Variants in CWC22 observed in about 807,000 individuals in gnomAD.
CWC22 encodes CWC22 spliceosome associated protein, also known as pre-mRNA-splicing factor CWC22 homolog.
A neutral mutation model predicts 117.2 loss-of-function variants in CWC22; 53 were observed. The observed-to-expected ratio is 0.45, with a 90% CI of 0.36 to 0.57. CWC22 has a LOEUF of 0.57. Ranked by LOEUF, CWC22 falls within the 20% of genes least tolerant of loss-of-function variation. The pLI, the probability that CWC22 is intolerant of heterozygous loss-of-function variation, is 0.00. For synonymous variants in CWC22, 360 were observed against 355.6 expected, an observed-to-expected ratio of 1.01 and a Z score of -0.14; for missense variants, 980 against 1,068.8, an observed-to-expected ratio of 0.92 and a Z score of 1.16.
chr2:179,946,059 T>G (rs547763240), intron 19 of CWC22, among the ~76,000 whole-genome samples: 4 of 152,108 alleles, frequency 2.6e-5, no homozygotes, highest in African/African-American at 9.7e-5. Flanking sequence ...ATTTTCGTAT[T>G]TTTAGTAGAG....
intron 13 of CWC22, among the ~76,000 whole-genome samples, chr2:179,961,671 A>G (rs1258843693): frequency 6.6e-6 from 1 of 152,018 alleles, no homozygotes; most frequent in East Asian, 1.9e-4. Context: ...AAGAAATGTT[A>G]CTACTTTTCT....
intron 14 of CWC22, among the ~76,000 whole-genome samples, chr2:179,955,632 T>A (rs1382517734): frequency 6.6e-6 from 1 of 151,980 alleles, no homozygotes; most frequent in African/African-American, 2.4e-5. Flanking sequence ...TCTATATGGA[T>A]CTATACAAAT....
At chr2:179,978,157 A>C in intron 6 of CWC22, 33 bp downstream of exon 6, 1 of 1,460,036 alleles carries the variant, frequency 6.8e-7, no homozygotes, top group Non-Finnish European at 9.0e-7. Context: ...AAAAATACTT[A>C]GAAATACTAC....
intron 1 of CWC22, among the ~76,000 whole-genome samples, chr2:180,004,744 C>G (rs1430219171): frequency 2.7e-5 from 4 of 147,580 alleles, no homozygotes; most frequent in Non-Finnish European, 4.5e-5. Flanking sequence ...GCTGGGAAAG[C>G]TAACAGAGCT....
intron 14 of CWC22, among the ~76,000 whole-genome samples, chr2:179,957,873 A>T (rs1437167489): frequency 6.6e-6 from 1 of 151,968 alleles, no homozygotes; most frequent in Non-Finnish European, 1.5e-5. Flanking sequence ...GAGCAACTTT[A>T]TCTACTTAAT....
intron 4 of CWC22, among the ~76,000 whole-genome samples, chr2:179,986,165 T>G (rs890192653): frequency 1.4e-4 from 21 of 152,224 alleles, no homozygotes; most frequent in African/African-American, 4.8e-4. Flanking sequence ...CAAGTCTTGT[T>G]AGCCACAGGA....
intron 4 of CWC22, among the ~76,000 whole-genome samples, chr2:179,985,416 T>C (rs1687393361): frequency 6.6e-6 from 1 of 152,062 alleles, no homozygotes; most frequent in Non-Finnish European, 1.5e-5. Flanking sequence ...GCCCCACTAT[T>C]TTCTTTGAGA....
intron 6 of CWC22, among the ~76,000 whole-genome samples, chr2:179,977,209 A>G (rs1367582792): frequency 6.6e-6 from 1 of 152,190 alleles, no homozygotes; most frequent in East Asian, 1.9e-4. Context: ...CATTTGATCC[A>G]GCAATCCCAC....
At chr2:179,951,674 C>T (rs956677601) in intron 17 of CWC22, among the ~76,000 whole-genome samples, 9 of 151,974 alleles carry the variant, frequency 5.9e-5, no homozygotes, top group African/African-American at 2.2e-4. Flanking sequence ...GGCTGGAGTG[C>T]AGCTTGCTGA....
chr2:179,967,147 G>C (rs1193004218), intron 11 of CWC22, among the ~76,000 whole-genome samples: 1 of 152,188 alleles, frequency 6.6e-6, no homozygotes, highest in Non-Finnish European at 1.5e-5. Context: ...ACGCTGTTAA[G>C]AGCTAAAACA....
At chr2:179,961,168 C>G (rs1686738834) in intron 13 of CWC22, among the ~76,000 whole-genome samples, 1 of 151,970 alleles carries the variant, frequency 6.6e-6, no homozygotes, top group Admixed American at 6.6e-5. Flanking sequence ...TTCATATGCA[C>G]AGAATTTAAA....
intron 5 of CWC22, 75 bp downstream of exon 5, chr2:179,981,677 G>C: frequency 1.6e-6 from 2 of 1,251,402 alleles, no homozygotes; most frequent in East Asian, 2.4e-5. Context: ...CAAGAACCAG[G>C]GTTAATTAAA....
Position 179,945,224 on chromosome 2 carries a change from G to T in CWC22, c.2632C>A (p.Arg878=), listed in dbSNP as rs538817087. The T allele has an allele frequency of 2.5e-6, 4 of 1,613,562 alleles. No individual in the cohort carries two copies. In the East Asian group the frequency reaches 8.9e-5, roughly 36 times the overall value. The change falls in exon 20 of 20, where the codon CGA becomes AGA. Residue 878 remains arginine, a synonymous_variant. Transcript: ENST00000410053. ...GAGTATCTGCTAGATTTTTCCCATC[G>T]TCTCTCGGCACCATTTTGATATCTA... The part of the protein sequence containing the change: ...EDRYQNGAER[R]WEKSSRYSEQ...
rs1023657472 is a variant in CWC22, at chr2:179,980,527, T to C, written c.452+1225A>G. Among the ~76,000 whole-genome samples, 276 of 151,546 alleles carry C rather than the reference T, an allele frequency of 1.8e-3. 1 individual carries two copies. Among genetic ancestry groups the C allele is most frequent in the African/African-American group, 6.1e-3 (252 of 41,342 alleles). ...CCGCCTCCTGGGTTCATGCCATTCT[T>C]CTGCCTCAGCCTCCCGAGTAGCTGG... is the stretch of plus-strand genomic sequence containing the variant. On this transcript the variant is annotated intron_variant, in intron 5 of 19. Coordinates refer to ENST00000410053, the MANE Select transcript of CWC22 (RefSeq NM_020943.3).
chr2:179,979,491 A>AT (rs954858548), intron 5 of CWC22, among the ~76,000 whole-genome samples: 6 of 152,176 alleles, frequency 3.9e-5, no homozygotes, highest in Admixed American at 6.5e-5. Flanking sequence ...GATTGCTTGA[A>AT]TTCTATTCAT....
Position 179,965,997 on chromosome 2 carries a change from G to GT in CWC22, c.1211-16dup, listed in dbSNP as rs1380317062. 2.5e-6 allele frequency: 4 copies of GT among 1,593,880 alleles called. No individual in the cohort carries two copies. Among genetic ancestry groups the GT allele is most frequent in the Non-Finnish European group, 3.4e-6 (4 of 1,169,884 alleles). ...ATCAAGAATTTCTGTAAAGTACAAA[G>GT]TAAGTTTAGGAAAAAAATGTGCAAG... is the stretch of plus-strand genomic sequence containing the variant. On this transcript the variant is annotated splice_polypyrimidine_tract_variant and intron_variant, in intron 11 of 19. Coordinates refer to ENST00000410053, the MANE Select transcript of CWC22 (RefSeq NM_020943.3).
chr2:179,998,401 T>C (rs1312218353), intron 1 of CWC22, among the ~76,000 whole-genome samples: 1 of 149,876 alleles, frequency 6.7e-6, no homozygotes, highest in Admixed American at 6.7e-5. Flanking sequence ...GTTCTGGTGA[T>C]TTTTTTTTTA....
At chr2:179,976,923 G>A (rs186902670) in intron 6 of CWC22, among the ~76,000 whole-genome samples, 1 of 152,304 alleles carries the variant, frequency 6.6e-6, no homozygotes, top group East Asian at 1.9e-4. Context: ...GGGAAGCCAA[G>A]TCGGGAGGAC....
chr2:179,950,568 T>G lies in CWC22; in HGVS notation c.2084A>C (p.Glu695Ala), dbSNP rs769995759. The G allele has an allele frequency of 9.3e-6, 15 of 1,613,100 alleles. No homozygotes were observed. The South Asian group carries it at 1.5e-4, about 17-fold the overall frequency. ...SDSDSSDSSS[E>A]SSSEESDSSS... is the part of the protein sequence containing the mutation. ...AGAGTCGCTCTCTTCACTGGAAGAC[T>G]CTGAACTGCTATCACTGCTGTCAGA... Residue 695 changes from glutamate (E) to alanine (A), a missense_variant, in exon 19 of 20, where the codon GAG (glutamate) becomes GCG (alanine). By Grantham distance (107) the Glu-to-Ala change is moderately radical. Around this residue, in one of 3 missense-constraint regions of CWC22, gnomAD observed 306 missense variants for 296.8 expected, o/e 1.03. Transcript: ENST00000410053.
Sources: allele counts gnomAD v4.1 joint callset (sites outside exome capture counted in the v4.1 genomes callset), GRCh38; gene constraint gnomAD v4.1.1; regional missense constraint gnomAD v4.1.1; transcripts MANE v1.5; gene names NCBI Gene and HGNC (gene_info 2026-07-23, HGNC 2026-07-21).